The following SAMD5 variants were observed in gnomAD, a reference collection of about 807,000 sequenced individuals.
The protein encoded by SAMD5 is sterile alpha motif domain containing 5.
In SAMD5, 13 loss-of-function variants were observed where a neutral mutation model predicts 11.3. That is an observed-to-expected ratio of 1.15 (90% CI 0.75 to 1.83). The LOEUF (loss-of-function observed/expected upper bound fraction) is 1.83. Among genes scored for constraint, SAMD5 ranks in the 40% most tolerant of loss-of-function variants. The probability of loss-of-function intolerance (pLI) is 0.00; values close to 1 mark genes in which losing one functional copy is unlikely to be tolerated. For missense variants in SAMD5, 255 were observed against 239.1 expected (o/e 1.07, Z -0.44); for synonymous variants, 129 against 111.3 (o/e 1.16, Z -1.00).
At chr6:147,853,519 T>A in the SAMD5 span, among the ~76,000 whole-genome samples, 1 of 152,278 alleles carries the variant, frequency 6.6e-6, no homozygotes, top group Non-Finnish European at 1.5e-5. Context: ...TAGTATATTT[T>A]CAAAGGTGTG....
chr6:147,627,319 G>A (rs1382387402), intron 1 of SAMD5, among the ~76,000 whole-genome samples: 1 of 152,128 alleles, frequency 6.6e-6, no homozygotes, highest in African/African-American at 2.4e-5. Flanking sequence ...TGGCTTTAGA[G>A]GACCGGGGTG....
At chr6:147,690,255 A>G (rs1300008062) in intron 1 of SAMD5, among the ~76,000 whole-genome samples, 1 of 152,242 alleles carries the variant, frequency 6.6e-6, no homozygotes, top group Non-Finnish European at 1.5e-5. Flanking sequence ...CACTTGATAC[A>G]TTTATTACTT....
chr6:147,571,766 T>C (rs1378768574), downstream of SAMD5, among the ~76,000 whole-genome samples: 1 of 152,214 alleles, frequency 6.6e-6, no homozygotes, highest in Non-Finnish European at 1.5e-5. Flanking sequence ...AATAGCCATT[T>C]TGAGTGAAGA....
At chr6:147,919,565 C>T in the SAMD5 span, among the ~76,000 whole-genome samples, 1 of 152,066 alleles carries the variant, frequency 6.6e-6, no homozygotes, top group Non-Finnish European at 1.5e-5. Context: ...TCATGTGTTG[C>T]CACTCTTTCA....
intron 1 of SAMD5, among the ~76,000 whole-genome samples, chr6:147,584,592 T>C (rs1270843858): frequency 6.6e-6 from 1 of 152,218 alleles, no homozygotes; most frequent in African/African-American, 2.4e-5. Flanking sequence ...TATTATCAGC[T>C]AATGAGGATC....
chr6:147,616,234 T>A (rs1371816052), intron 1 of SAMD5, among the ~76,000 whole-genome samples: 1 of 139,454 alleles, frequency 7.2e-6, no homozygotes, highest in African/African-American at 3.0e-5. Flanking sequence ...TTTATTCATA[T>A]ATACTTCATA....
intron 1 of SAMD5, among the ~76,000 whole-genome samples, chr6:147,622,879 G>A (rs9497827): frequency 0.39 from 59,373 of 151,922 alleles, 11,625 homozygotes; most frequent in Non-Finnish European, 0.41. Flanking sequence ...CACATCTTAC[G>A]TGGTGGCAGG....
chr6:147,509,467 A>T, intron 1 of SAMD5, 80 bp downstream of exon 1: 1 of 1,324,720 alleles, frequency 7.5e-7, no homozygotes, highest in South Asian at 1.5e-5. Context: ...AGGCTTTGCA[A>T]CCCATTCCAG....
At chr6:147,704,318 GA>G (rs113148444) in intron 1 of SAMD5, among the ~76,000 whole-genome samples, 2 of 150,880 alleles carry the variant, frequency 1.3e-5, no homozygotes, top group African/African-American at 4.9e-5. Context: ...TAATTTTCTA[GA>G]AAAAAAAATC....
At chr6:147,832,987 T>G in the SAMD5 span, among the ~76,000 whole-genome samples, 1 of 152,256 alleles carries the variant, frequency 6.6e-6, no homozygotes, top group Non-Finnish European at 1.5e-5. Context: ...ATAGTGGTTT[T>G]AAATAGCAGA....
At chr6:147,919,454 G>A in the SAMD5 span, among the ~76,000 whole-genome samples, 2 of 152,174 alleles carry the variant, frequency 1.3e-5, no homozygotes, top group African/African-American at 2.4e-5. Flanking sequence ...CCATAAGACA[G>A]TAAGCATCAA....
intron 1 of SAMD5, among the ~76,000 whole-genome samples, chr6:147,691,854 A>G (rs547465882): frequency 2.0e-5 from 3 of 152,340 alleles, no homozygotes; most frequent in South Asian, 2.1e-4. Flanking sequence ...TAAGTACTAC[A>G]TAAATCTTGC....
At chr6:147,769,995 A>C in the SAMD5 span, among the ~76,000 whole-genome samples, 2 of 152,200 alleles carry the variant, frequency 1.3e-5, no homozygotes, top group African/African-American at 4.8e-5. Context: ...CCTTCCCGTA[A>C]GCTGTAGAAC....
chr6:147,649,241 T>C (rs1790448038), intron 1 of SAMD5, among the ~76,000 whole-genome samples: 1 of 152,188 alleles, frequency 6.6e-6, no homozygotes, highest in Admixed American at 6.5e-5. Context: ...TTTCATGGAA[T>C]GAGGGTTTGG....
At chr6:147,645,613 T>C (rs1790385707) in intron 1 of SAMD5, among the ~76,000 whole-genome samples, 1 of 152,192 alleles carries the variant, frequency 6.6e-6, no homozygotes, top group Admixed American at 6.5e-5. Context: ...ATACTTTTCA[T>C]CTCAAAGCAT....
At chr6:147,946,155 T>C in the SAMD5 span, among the ~76,000 whole-genome samples, 1 of 152,154 alleles carries the variant, frequency 6.6e-6, no homozygotes, top group African/African-American at 2.4e-5. Flanking sequence ...CCCCCAACCC[T>C]TGAGTATGTT....
the SAMD5 span, among the ~76,000 whole-genome samples, chr6:147,746,534 C>T: frequency 6.6e-6 from 1 of 151,994 alleles, no homozygotes; most frequent in Admixed American, 6.6e-5. Flanking sequence ...CTAGAAATGC[C>T]AAAATAATTA....
the SAMD5 span, among the ~76,000 whole-genome samples, chr6:147,787,181 A>G: frequency 1.3e-5 from 2 of 152,142 alleles, no homozygotes; most frequent in African/African-American, 4.8e-5. Context: ...TTTGTTACAG[A>G]AATCTCTCAA....
At chr6:147,816,301 A>AAAAAAAAAAATATATATAT in the SAMD5 span, among the ~76,000 whole-genome samples, 3 of 66,362 alleles carry the variant, frequency 4.5e-5, no homozygotes, top group African/African-American at 1.0e-4. Flanking sequence ...AAAAAAAAAA[A>AAAAAAAAAAATATATATAT]ATATATATAT....
Sources: allele counts gnomAD v4.1 joint callset (sites outside exome capture counted in the v4.1 genomes callset), GRCh38; gene constraint gnomAD v4.1.1; transcripts MANE v1.5; gene names NCBI Gene and HGNC (gene_info 2026-07-23, HGNC 2026-07-21).